The following AGBL4 variants were observed in gnomAD, a reference collection of about 807,000 sequenced individuals.
AGBL4 encodes the protein cytosolic carboxypeptidase 6.
Under a neutral mutation model 66.4 loss-of-function variants are expected in AGBL4, and 58 were observed. That is an observed-to-expected ratio of 0.87 (90% CI 0.71 to 1.09). The LOEUF (loss-of-function observed/expected upper bound fraction) is 1.09, where lower values mean the gene tolerates loss of function less well. Ranked by LOEUF, AGBL4 falls within the 50% of genes least tolerant of loss-of-function variation. The probability of loss-of-function intolerance (pLI) is 0.00; values close to 1 mark genes in which losing one functional copy is unlikely to be tolerated. For missense variants in AGBL4, 579 were observed against 631.0 expected, an observed-to-expected ratio of 0.92 and a Z score of 0.88; for synonymous variants, 234 against 222.9, an observed-to-expected ratio of 1.05 and a Z score of -0.44.
intron 5 of AGBL4, among the ~76,000 whole-genome samples, chr1:48,941,230 A>G (rs1163549852): frequency 6.6e-6 from 1 of 152,214 alleles, no homozygotes; most frequent in African/African-American, 2.4e-5. Flanking sequence ...TGTGTGAATC[A>G]AAAGAGATGG....
intron 1 of AGBL4, among the ~76,000 whole-genome samples, chr1:50,013,157 G>A (rs1414327576): frequency 1.3e-5 from 2 of 152,102 alleles, no homozygotes; most frequent in Non-Finnish European, 1.5e-5. Flanking sequence ...GCTCTAATCA[G>A]TACAACACAA....
intron 5 of AGBL4, among the ~76,000 whole-genome samples, chr1:48,977,178 C>G (rs901030481): frequency 6.6e-6 from 1 of 152,160 alleles, no homozygotes; most frequent in African/African-American, 2.4e-5. Flanking sequence ...TAAGCCAGAA[C>G]TCTAGATTTT....
At chr1:49,846,726 G>T (rs997430274) in intron 2 of AGBL4, among the ~76,000 whole-genome samples, 13 of 152,052 alleles carry the variant, frequency 8.5e-5, no homozygotes, top group Non-Finnish European at 2.9e-5. Context: ...TAACCAAGGA[G>T]ATGAAAGATT....
intron 4 of AGBL4, among the ~76,000 whole-genome samples, chr1:49,154,849 G>T (rs560953753): frequency 1.3e-5 from 2 of 152,226 alleles, no homozygotes; most frequent in South Asian, 2.1e-4. Context: ...CATATTGATT[G>T]TTTTTTCTTC....
At chr1:48,625,219 T>TG (rs1645484520) in intron 9 of AGBL4, among the ~76,000 whole-genome samples, 2 of 151,688 alleles carry the variant, frequency 1.3e-5, no homozygotes, top group South Asian at 2.1e-4. Context: ...TGTTTAGAGA[T>TG]GGGGTCTCAC....
chr1:49,136,095 A>T (rs1646005444), intron 4 of AGBL4, among the ~76,000 whole-genome samples: 1 of 152,196 alleles, frequency 6.6e-6, no homozygotes, highest in South Asian at 2.1e-4. Context: ...AAATATGTTT[A>T]TTGCAAGGCA....
At chr1:48,823,117 T>C (rs1646351904) in intron 6 of AGBL4, among the ~76,000 whole-genome samples, 1 of 152,254 alleles carries the variant, frequency 6.6e-6, no homozygotes, top group Non-Finnish European at 1.5e-5. Flanking sequence ...TGACTTGGTT[T>C]TCTAATACAT....
chr1:49,277,365 G>T (rs969725709), intron 3 of AGBL4, among the ~76,000 whole-genome samples: 1 of 152,044 alleles, frequency 6.6e-6, no homozygotes, highest in Non-Finnish European at 1.5e-5. Flanking sequence ...GTTTGGCTGG[G>T]TTCATGGGGT....
chr1:49,615,373 A>G (rs1187565877), intron 3 of AGBL4, among the ~76,000 whole-genome samples: 1 of 152,166 alleles, frequency 6.6e-6, no homozygotes, highest in Non-Finnish European at 1.5e-5. Flanking sequence ...GCACTGGGAA[A>G]TACATCTTAA....
chr1:48,834,571 G>C (rs1646633924), intron 6 of AGBL4, among the ~76,000 whole-genome samples: 1 of 152,102 alleles, frequency 6.6e-6, no homozygotes, highest in Non-Finnish European at 1.5e-5. Context: ...AGGGAGACCA[G>C]AAATCTTTTT....
At chr1:49,919,622 A>G (rs1194532995) in intron 1 of AGBL4, among the ~76,000 whole-genome samples, 2 of 152,266 alleles carry the variant, frequency 1.3e-5, no homozygotes, top group South Asian at 2.1e-4. Flanking sequence ...TTCCATGCTC[A>G]TGGGTAGGAA....
At chr1:48,564,061 G>A (rs1644437154) in intron 11 of AGBL4, among the ~76,000 whole-genome samples, 2 of 152,108 alleles carry the variant, frequency 1.3e-5, no homozygotes. Flanking sequence ...CCTCAAGGAA[G>A]GAAACACCAA....
chr1:49,748,593 T>C (rs1651189719), intron 2 of AGBL4, among the ~76,000 whole-genome samples: 1 of 152,206 alleles, frequency 6.6e-6, no homozygotes, highest in Admixed American at 6.5e-5. Context: ...CACACAGTCT[T>C]CCACAATGGT....
At chr1:49,516,677 T>G (rs1265028204) in intron 3 of AGBL4, among the ~76,000 whole-genome samples, 1 of 152,044 alleles carries the variant, frequency 6.6e-6, no homozygotes, top group Admixed American at 6.6e-5. Flanking sequence ...AGATTTGCAT[T>G]TTATAAAGAT....
At chr1:49,507,510 G>A (rs1648810172) in intron 3 of AGBL4, among the ~76,000 whole-genome samples, 1 of 151,148 alleles carries the variant, frequency 6.6e-6, no homozygotes, top group African/African-American at 2.4e-5. Flanking sequence ...TTTTTATTCT[G>A]GTGAATGTGT....
At chr1:49,210,881 A>C (rs1359557168) in intron 4 of AGBL4, among the ~76,000 whole-genome samples, 1 of 152,076 alleles carries the variant, frequency 6.6e-6, no homozygotes, top group Non-Finnish European at 1.5e-5. Flanking sequence ...AGTTATTTGA[A>C]AGTATATTAC....
At chr1:48,991,909 T>C (rs1223855921) in intron 5 of AGBL4, among the ~76,000 whole-genome samples, 1 of 152,186 alleles carries the variant, frequency 6.6e-6, no homozygotes, top group Admixed American at 6.5e-5. Context: ...ATCTTGAATT[T>C]TGTCAACTTT....
chr1:49,612,404 C>T (rs1021716115), intron 3 of AGBL4, among the ~76,000 whole-genome samples: 10 of 151,980 alleles, frequency 6.6e-5, no homozygotes, highest in Admixed American at 2.6e-4. Context: ...AATAGTATCA[C>T]ACAGTAGGCG....
intron 5 of AGBL4, among the ~76,000 whole-genome samples, chr1:48,888,622 A>C (rs1123183): frequency 0.51 from 77,027 of 152,098 alleles, 22,388 homozygotes; most frequent in Non-Finnish European, 0.67. Context: ...TTCCTGAGGA[A>C]TCTGCAGCCA....
Sources: allele counts gnomAD v4.1 joint callset (sites outside exome capture counted in the v4.1 genomes callset), GRCh38; gene constraint gnomAD v4.1.1; transcripts MANE v1.5; gene names NCBI Gene and HGNC (gene_info 2026-07-23, HGNC 2026-07-21).